API5: variants seen among roughly 807,000 people sequenced by gnomAD.
The protein encoded by API5 is FIF.
A neutral mutation model predicts 71.9 loss-of-function variants in API5; 6 were observed. The observed-to-expected ratio is 0.08, with a 90% CI of 0.05 to 0.16. The LOEUF is 0.16. Ranked by LOEUF, API5 falls within the 10% of genes least tolerant of loss-of-function variation. The pLI is 1.00. For synonymous variants in API5, 189 were observed against 221.3 expected, an observed-to-expected ratio of 0.85 and a Z score of 1.30; for missense variants, 332 against 612.8, an observed-to-expected ratio of 0.54 and a Z score of 4.84.
intron 13 of API5, among the ~76,000 whole-genome samples, chr11:43,339,783 G>T (rs1266410572): frequency 2.0e-5 from 3 of 152,122 alleles, no homozygotes; most frequent in African/African-American, 7.2e-5. Flanking sequence ...AACAAAAATT[G>T]CATATTTATT....
At chr11:43,329,902 G>C (rs565555829) in intron 9 of API5, 63 bp from the exon 10 acceptor site, 288 of 1,389,774 alleles carry the variant, frequency 2.1e-4, no homozygotes, top group Non-Finnish European at 2.3e-4. Context: ...TGTAGTATAA[G>C]ATTGAGTTTA....
At chr11:43,334,963 AAAAC>A (rs1341478677) in intron 11 of API5, among the ~76,000 whole-genome samples, 1 of 152,202 alleles carries the variant, frequency 6.6e-6, no homozygotes, top group Non-Finnish European at 1.5e-5. Flanking sequence ...CATCTGTGCA[AAAAC>A]AAACCGAAAC....
Position 43,318,393 on chromosome 11 carries a change from C to G in API5, c.70-247C>G, listed in dbSNP as rs957944231. The G allele has an allele frequency of 8.6e-5, 129 of 1,498,664 alleles. 1 individual carries two copies. Among genetic ancestry groups the G allele is most frequent in the Middle Eastern group, 1.9e-4 (1 of 5,394 alleles). 92.8% of individuals were successfully genotyped at this position (1,498,664 alleles called of 1,614,324 possible). On this transcript the variant is annotated intron_variant, in intron 1 of 13. Transcript: ENST00000531273. Reference sequence around the variant, plus strand: ...GAAGAAGTATTGGCATATTAACAAACACATTTGCTTTTTCCACTTAAAATT... The same window carrying G: ...GAAGAAGTATTGGCATATTAACAAAGACATTTGCTTTTTCCACTTAAAATT...
At chr11:43,320,763 T>G in intron 2 of API5, 58 bp from the exon 3 acceptor site, 23 of 1,262,002 alleles carry the variant, frequency 1.8e-5, no homozygotes, top group Non-Finnish European at 2.1e-5. Context: ...AAGAAAAAGC[T>G]GTTTGTTATT....
chr11:43,314,756 G>A (rs576998817), intron 1 of API5, among the ~76,000 whole-genome samples: 61 of 152,174 alleles, frequency 4.0e-4, no homozygotes, highest in Non-Finnish European at 6.8e-4. Context: ...TAGGAAAACC[G>A]AAGATAATGC....
chr11:43,331,716 G>C (rs1187672604), intron 11 of API5, among the ~76,000 whole-genome samples: 2 of 152,136 alleles, frequency 1.3e-5, no homozygotes, highest in African/African-American at 4.8e-5. Flanking sequence ...TTGTACAAGG[G>C]TCAGCTGCAG....
In API5 at chr11:43,320,792, G is replaced by T. The variant is rs777408866; in HGVS notation, c.232-29G>T. On this transcript the variant is annotated intron_variant, in intron 2 of 13. Coordinates refer to ENST00000531273, the MANE Select transcript of API5 (RefSeq NM_001142930.2). ...TGTTATTTTAAAGGTGATAGTATTTGGTTAATTTTTGTTTGAAATCATGCC... is the reference window on the plus strand; with the variant it reads ...TGTTATTTTAAAGGTGATAGTATTTTGTTAATTTTTGTTTGAAATCATGCC... The T allele has an allele frequency of 3.9e-6, 6 of 1,525,824 alleles. No homozygotes were observed. In the East Asian group the frequency reaches 9.0e-5, roughly 23 times the overall value. 94.5% of individuals were successfully genotyped at this position (1,525,824 alleles called of 1,614,324 possible).
At chr11:43,312,310 C>A in intron 1 of API5, 114 bp downstream of exon 1, 1 of 1,118,200 alleles carries the variant, frequency 8.9e-7, no homozygotes, top group South Asian at 1.4e-5. Context: ...CTCCCGGGGC[C>A]TCCTAGCCTC....
In API5 at chr11:43,326,518, T is replaced by C. The variant is rs1333671536; in HGVS notation, c.762T>C (p.His254=). 3 of 1,604,424 alleles carry C rather than the reference T, an allele frequency of 1.9e-6. No homozygotes were observed. The highest frequency in any genetic ancestry group is 1.3e-5 in the African/African-American group (1 of 74,586). Residue 254 remains histidine (H), a synonymous_variant, in exon 7 of 14, where the codon CAT becomes CAC. Coordinates refer to ENST00000531273, the MANE Select transcript of API5 (RefSeq NM_001142930.2). ...QAVPLFSKNV[H]STRFVTYFCE... ...TGGATTTCTTACAGAAAAATGTCCA[T>C]TCCACAAGGTTTGTGACATATTTCT...
intron 13 of API5, among the ~76,000 whole-genome samples, chr11:43,336,731 G>A (rs1215247389): frequency 2.0e-5 from 3 of 152,140 alleles, no homozygotes; most frequent in Non-Finnish European, 2.9e-5. Context: ...AGTTTAGGCC[G>A]GGGGCAGTGG....
At chr11:43,321,818 T>TATGGTTCAGGC (rs1157620370) in intron 4 of API5, among the ~76,000 whole-genome samples, 167 bp from the exon 5 acceptor site, 2 of 152,186 alleles carry the variant, frequency 1.3e-5, no homozygotes, top group Admixed American at 1.3e-4. Flanking sequence ...AAAGCACTCT[T>TATGGTTCAGGC]ATGGTTCAGG....
chr11:43,329,189 T>G (rs1211623978), intron 9 of API5: 3 of 257,146 alleles, frequency 1.2e-5, no homozygotes, highest in Non-Finnish European at 2.3e-5. Context: ...AAAAATAACT[T>G]TAAAAAAATT....
At chr11:43,325,086 CT>C (rs1855024423) in intron 6 of API5, among the ~76,000 whole-genome samples, 1 of 151,494 alleles carries the variant, frequency 6.6e-6, no homozygotes, top group Non-Finnish European at 1.5e-5. Flanking sequence ...CAAAAAGTTC[CT>C]GGAAAATGCA....
intron 1 of API5, among the ~76,000 whole-genome samples, chr11:43,317,623 T>C (rs764702489): frequency 1.3e-5 from 2 of 152,176 alleles, no homozygotes; most frequent in Non-Finnish European, 2.9e-5. Flanking sequence ...AGGTAAATTT[T>C]TGTTTAAGTA....
intron 13 of API5, 146 bp downstream of exon 13, chr11:43,336,140 A>C (rs1855426239): frequency 9.3e-7 from 1 of 1,080,996 alleles, no homozygotes; most frequent in Admixed American, 2.8e-5. Context: ...GCTGTTGAGG[A>C]AATGATTTAT....
At position 43,342,542 on chromosome 11, in the gene API5, G is replaced by T; in HGVS notation, c.*32G>T. On this transcript the variant is annotated 3_prime_UTR_variant, in exon 14 of 14. Coordinates refer to ENST00000531273, the MANE Select transcript of API5 (RefSeq NM_001142930.2). The stretch of plus-strand genomic sequence containing the variant: ...CATCAGCATTCTTCAGCATTGTCAT[G>T]AGCTTAATATACTTAAATTCTACTA... The T allele has an allele frequency of 6.2e-7, 1 of 1,604,344 alleles. No homozygotes were observed. Among genetic ancestry groups the T allele is most frequent in the Non-Finnish European group, 8.5e-7 (1 of 1,171,388 alleles).
In API5 at chr11:43,320,871, T is replaced by C; in HGVS notation, c.282T>C (p.Asn94=). The C allele has an allele frequency of 6.2e-7, 1 of 1,612,130 alleles. No individual in the cohort carries two copies. The highest frequency in any genetic ancestry group is 8.5e-7 in the Non-Finnish European group (1 of 1,179,996). ...KELPQFATGE[N]LPRVADILTQ... ...TGCCTCAATTTGCCACTGGAGAAAA[T>C]CTTCCTCGAGTGGCAGATATACTAA... Residue 94 remains asparagine (N), a synonymous_variant, in exon 3 of 14, where the codon AAT becomes AAC. Transcript: ENST00000531273.
intron 6 of API5, 108 bp from the exon 7 acceptor site, chr11:43,326,399 C>T (rs929768914): frequency 1.4e-6 from 1 of 700,604 alleles, no homozygotes; most frequent in Non-Finnish European, 2.5e-6. Flanking sequence ...TATTTGTAGT[C>T]AGAATACTTG....
intron 2 of API5, 90 bp from the exon 3 acceptor site, chr11:43,320,731 T>TAAA (rs774106510): frequency 2.1e-5 from 21 of 995,576 alleles, no homozygotes; most frequent in Non-Finnish European, 2.7e-5. Context: ...ACCTTGTCTT[T>TAAA]AAAAAAAAAA....
Sources: allele counts gnomAD v4.1 joint callset (sites outside exome capture counted in the v4.1 genomes callset), GRCh38; gene constraint gnomAD v4.1.1; transcripts MANE v1.5; gene names NCBI Gene and HGNC (gene_info 2026-07-23, HGNC 2026-07-21).